The following RGS8 variants were observed in gnomAD, a reference collection of about 807,000 sequenced individuals.
The protein encoded by RGS8 is regulator of G-protein signaling 8.
Under a neutral mutation model 21.7 loss-of-function variants are expected in RGS8, and 8 were observed. That is an observed-to-expected ratio of 0.37 (90% CI 0.22 to 0.66). The LOEUF (loss-of-function observed/expected upper bound fraction) is 0.66. RGS8 is among the 30% of genes least tolerant of loss of function. RGS8 has a pLI of 0.59. For synonymous variants in RGS8, 80 were observed against 83.6 expected (o/e 0.96, Z 0.24); for missense variants, 157 against 217.9 (o/e 0.72, Z 1.76).
chr1:182,710,172 C>T, the RGS8 span, among the ~76,000 whole-genome samples: 1 of 152,190 alleles, frequency 6.6e-6, no homozygotes, highest in African/African-American at 2.4e-5. Context: ...AATGACCTAA[C>T]TGCAAACTTC....
the RGS8 span, among the ~76,000 whole-genome samples, chr1:182,739,375 T>C: frequency 2.6e-5 from 4 of 152,168 alleles, no homozygotes; most frequent in Non-Finnish European, 5.9e-5. Flanking sequence ...GGAAACACTG[T>C]CATCCCCAAC....
chr1:182,728,096 G>T, the RGS8 span, among the ~76,000 whole-genome samples: 2 of 152,148 alleles, frequency 1.3e-5, no homozygotes, highest in Non-Finnish European at 1.5e-5. Flanking sequence ...TTTGGTGGTG[G>T]TAAACTAAAT....
downstream of RGS8, chr1:182,641,895 T>C (rs1662481646): frequency 6.6e-6 from 1 of 152,218 alleles, no homozygotes; most frequent in Non-Finnish European, 1.5e-5. Flanking sequence ...CTTTACACGA[T>C]AATGAAAAAA....
the RGS8 span, among the ~76,000 whole-genome samples, chr1:182,719,028 AC>A: frequency 6.6e-6 from 1 of 152,190 alleles, no homozygotes; most frequent in Non-Finnish European, 1.5e-5. Flanking sequence ...AAGCATGCTT[AC>A]CCACCCAACT....
the RGS8 span, among the ~76,000 whole-genome samples, chr1:182,692,384 A>C: frequency 2.0e-5 from 3 of 152,126 alleles, no homozygotes; most frequent in African/African-American, 7.2e-5. Flanking sequence ...TAGCCACAAA[A>C]AGAATAAAAT....
At chr1:182,669,786 C>G in intron 2 of RGS8, 34 bp from the exon 4 acceptor site, 1 of 1,531,434 alleles carries the variant, frequency 6.5e-7, no homozygotes, top group Non-Finnish European at 8.8e-7. Context: ...AGAGGGGCCA[C>G]CCTCTCTCAT....
chr1:182,721,854 T>C, the RGS8 span, among the ~76,000 whole-genome samples: 2 of 152,246 alleles, frequency 1.3e-5, no homozygotes, highest in Non-Finnish European at 2.9e-5. Context: ...AGCTAGTCTA[T>C]GGAAAATTCT....
chr1:182,746,722 A>AAGGG, the RGS8 span, among the ~76,000 whole-genome samples: 1 of 151,066 alleles, frequency 6.6e-6, no homozygotes. Flanking sequence ...GAGAGAGAGA[A>AAGGG]AGGGAGGGAG....
chr1:182,670,309 C>T (rs1476219215), intron 2 of RGS8, among the ~76,000 whole-genome samples: 2 of 152,218 alleles, frequency 1.3e-5, no homozygotes, highest in East Asian at 3.9e-4. Context: ...CAGGTGCAGG[C>T]TGAAGAAACG....
At chr1:182,661,663 G>T (rs907705535) in intron 5 of RGS8, among the ~76,000 whole-genome samples, 2 of 152,186 alleles carry the variant, frequency 1.3e-5, no homozygotes, top group Non-Finnish European at 2.9e-5. Context: ...AAGTTTGCAT[G>T]AATCTTGTGA....
chr1:182,681,313 T>A (rs1272460348), intron 1 of RGS8, among the ~76,000 whole-genome samples: 1 of 152,172 alleles, frequency 6.6e-6, no homozygotes, highest in Non-Finnish European at 1.5e-5. Context: ...GGGTGCTGGT[T>A]ATCAATCTCT....
chr1:182,658,421 T>G (rs1420417490), intron 5 of RGS8: 2 of 152,202 alleles, frequency 1.3e-5, no homozygotes, highest in Non-Finnish European at 2.9e-5. Context: ...TTATTTTAAG[T>G]TCTCTATTTA....
intron 5 of RGS8, among the ~76,000 whole-genome samples, chr1:182,651,832 C>T (rs1222870648): frequency 2.0e-5 from 3 of 152,202 alleles, no homozygotes; most frequent in Non-Finnish European, 4.4e-5. Context: ...GCTGTGGAAG[C>T]CTCAGTGCTC....
At chr1:182,700,521 C>A in the RGS8 span, among the ~76,000 whole-genome samples, 1 of 152,200 alleles carries the variant, frequency 6.6e-6, no homozygotes, top group African/African-American at 2.4e-5. Context: ...TTCCAAGAGA[C>A]ACCCCAGGTT....
chr1:182,749,822 C>T, the RGS8 span, among the ~76,000 whole-genome samples: 2 of 152,114 alleles, frequency 1.3e-5, no homozygotes, highest in African/African-American at 4.8e-5. Context: ...GCACCTATCA[C>T]CCCATCACCT....
upstream of RGS8, among the ~76,000 whole-genome samples, chr1:182,676,620 C>A (rs867435477): frequency 6.6e-6 from 1 of 152,182 alleles, no homozygotes; most frequent in African/African-American, 2.4e-5. Flanking sequence ...TTCATCAGTT[C>A]AAGCATCCAC....
chr1:182,715,160 G>A, the RGS8 span, among the ~76,000 whole-genome samples: 14 of 152,166 alleles, frequency 9.2e-5, no homozygotes, highest in Non-Finnish European at 1.6e-4. Context: ...AATATTTATT[G>A]TAACGTATAA....
chr1:182,718,793 A>T, the RGS8 span, among the ~76,000 whole-genome samples: 16 of 152,324 alleles, frequency 1.1e-4, no homozygotes, highest in East Asian at 2.3e-3. Context: ...CTTTACCAAA[A>T]AAATAAATAA....
chr1:182,749,050 C>T, the RGS8 span, among the ~76,000 whole-genome samples: 25 of 152,212 alleles, frequency 1.6e-4, no homozygotes, highest in South Asian at 1.5e-3. Context: ...CAGGTTGTCT[C>T]TTCTATCTGT....
Sources: allele counts gnomAD v4.1 joint callset (sites outside exome capture counted in the v4.1 genomes callset), GRCh38; gene constraint gnomAD v4.1.1; transcripts MANE v1.5; gene names NCBI Gene and HGNC (gene_info 2026-07-23, HGNC 2026-07-21).